Variants in NIBAN3 observed in about 807,000 individuals in gnomAD.
NIBAN3 encodes the protein niban apoptosis regulator 3, also known as protein Niban 3.
A neutral mutation model predicts 76.4 loss-of-function variants in NIBAN3; 66 were observed. The observed-to-expected ratio is 0.86, with a 90% confidence interval of 0.71 to 1.06. The LOEUF is 1.06. Among genes scored for constraint, NIBAN3 ranks in the 50% least tolerant of loss-of-function variants. NIBAN3 has a pLI of 0.00. For synonymous variants in NIBAN3, 360 were observed against 355.2 expected (o/e 1.01, Z -0.15); for missense variants, 808 against 810.7 (o/e 1.00, Z 0.04).
At chr19:17,551,737 G>GCTTGTAATACATACATA in intron 14 of NIBAN3, 49 bp from the exon 15 acceptor site, 1 of 722,108 alleles carries the variant, frequency 1.4e-6, no homozygotes, top group South Asian at 1.4e-5. Context: ...TACATGCCAG[G>GCTTGTAATACATACATA]CATCTGACAC....
chr19:17,540,543 CCTGCGCCAGAGCCCCTCAGGCACGCGG>C lies in NIBAN3; in HGVS notation c.1138_1164del (p.Gln380_Arg388del), dbSNP rs2075929247. Reference sequence around the variant, plus strand: ...AAGGCATGGACCGACTGTCCCACCGCCTGCGCCAGAGCCCCTCAGGCACGCGGCTGCGCAGGGAGGTGAGCTCCCGTG... The same window carrying C: ...AAGGCATGGACCGACTGTCCCACCGCCTGCGCAGGGAGGTGAGCTCCCGTG... On this transcript the variant is annotated inframe_deletion, in exon 9 of 15. Coordinates refer to ENST00000599164, the MANE Select transcript of NIBAN3 (RefSeq NM_001321827.2). 3.8e-6 allele frequency: 6 copies of C among 1,562,846 alleles called. No individual in the cohort carries two copies. The East Asian group carries it at 1.4e-4, about 38-fold the overall frequency.
At position 17,533,598 on chromosome 19, in the gene NIBAN3, C is replaced by T. The variant is rs769793668; in HGVS notation, c.324C>T (p.Asn108=). Residue 108 remains asparagine (N), a synonymous_variant, in exon 4 of 15, where the codon AAC becomes AAT. Transcript: ENST00000599164. ...GGTACCTTTTGTAGGAATATGAAAA[C>T]GGGGGCCACTGCCTTGGCTCAACAG... ...EWFSHKEEYE[N]GGHCLGSTAL... is the part of the protein sequence containing the mutation. 75 of 1,613,414 alleles carry T rather than the reference C, an allele frequency of 4.6e-5. No individual in the cohort carries two copies. Among genetic ancestry groups the T allele is most frequent in the Non-Finnish European group, 5.6e-5 (66 of 1,179,522 alleles).
chr19:17,535,640 C>T (rs1393051797), intron 4 of NIBAN3, among the ~76,000 whole-genome samples: 1 of 151,528 alleles, frequency 6.6e-6, no homozygotes, highest in African/African-American at 2.4e-5. Context: ...CCCAGCTACT[C>T]AGGAGACCGA....
rs1162878033 is a variant in NIBAN3 at position 17,553,483 on chromosome 19, C to A, written c.*1585C>A. 1 of 1,614,210 alleles carries A rather than the reference C, an allele frequency of 6.2e-7. No homozygotes were observed. The highest frequency in any genetic ancestry group is 1.1e-5 in the South Asian group (1 of 91,086). On this transcript the variant is annotated 3_prime_UTR_variant, in exon 15 of 15. Transcript: ENST00000599164. ...GGATTCCCGTGTGTTCTTGGTTCAG[C>A]TTGCAGAGGGACTTTCACACTCCCT...
At chr19:17,524,967 T>C (rs543241717), upstream of NIBAN3, among the ~76,000 whole-genome samples, 1 of 152,328 alleles carries the variant, frequency 6.6e-6, no homozygotes, top group African/African-American at 2.4e-5. Context: ...TGAGTCTCCA[T>C]TGGACAGCCA....
At position 17,552,489 on chromosome 19, in the gene NIBAN3, A is replaced by C. The variant is rs182607175; in HGVS notation, c.*591A>C. On this transcript the variant is annotated 3_prime_UTR_variant, in exon 15 of 15. Coordinates refer to ENST00000599164, the MANE Select transcript of NIBAN3 (RefSeq NM_001321827.2). The stretch of plus-strand genomic sequence containing the variant: ...TGCCTTGGCCTCCCAAAGTGCTAGG[A>C]TTATAGGAGTGATCCACTATGTCCA... 6.6e-6 allele frequency: 1 copy of C among 152,256 alleles called. No homozygotes were observed. The highest frequency in any genetic ancestry group is 6.6e-5 in the Admixed American group (1 of 15,260). The allele number at this position is 152,256 out of a possible 1,614,324, so 9.4% of individuals were successfully genotyped here. A position where few individuals can be genotyped will look rare whatever the true frequency, so the allele number is the denominator to read the frequency against.
chr19:17,543,578 C>T lies in NIBAN3; in HGVS notation c.1501C>T (p.Leu501Phe). The change falls in exon 12 of 15, where the codon CTC (leucine) becomes TTC (phenylalanine). Residue 501 changes from leucine (L) to phenylalanine (F), a missense_variant. Transcript: ENST00000599164. Reference protein sequence around the residue: ...AQRRFIRGWGLCIFLPFVLSQ... With the variant: ...AQRRFIRGWGFCIFLPFVLSQ... ...GAGGAGGTTCATCCGAGGCTGGGGTCTCTGCATCTTTTTACCTTTTGTGCT... is the reference window on the plus strand; with the variant it reads ...GAGGAGGTTCATCCGAGGCTGGGGTTTCTGCATCTTTTTACCTTTTGTGCT... 2 of 1,614,126 alleles carry T rather than the reference C, an allele frequency of 1.2e-6. No homozygotes were observed. Among genetic ancestry groups the T allele is most frequent in the Non-Finnish European group, 1.7e-6 (2 of 1,180,022 alleles).
At chr19:17,524,296 T>C (rs935416565), upstream of NIBAN3, among the ~76,000 whole-genome samples, 1 of 151,074 alleles carries the variant, frequency 6.6e-6, no homozygotes, top group African/African-American at 2.5e-5. Flanking sequence ...TTCTTTTTTC[T>C]TTTTTTTGAG....
chr19:17,530,872 TGCTAC>T lies in NIBAN3; in HGVS notation c.176_180del (p.Leu59GlnfsTer9), dbSNP rs2075708605. ...CCTCAGGAGCCGACCGGAAGCCAGT[TGCTAC>T]GCAGCAAAGTGGGTGTTGTGGGGGC... is the stretch of plus-strand genomic sequence containing the variant. On this transcript the variant is annotated frameshift_variant, in exon 2 of 15. Transcript: ENST00000599164. LOFTEE classifies it high-confidence loss of function. 1 of 1,613,218 alleles carries T rather than the reference TGCTAC, an allele frequency of 6.2e-7. No homozygotes were observed.
Position 17,533,545 on chromosome 19 carries a change from T to G in NIBAN3, c.313-42T>G, listed in dbSNP as rs749451070. On this transcript the variant is annotated intron_variant, in intron 3 of 14. Coordinates refer to ENST00000599164, the MANE Select transcript of NIBAN3 (RefSeq NM_001321827.2). ...TATAGTTGGGACACAGAAGCCACAG[T>G]TCAGACCTGTCCCAGGTTGGTTCTC... 12 of 1,411,186 alleles carry G rather than the reference T, an allele frequency of 8.5e-6. No individual in the cohort carries two copies. The South Asian group carries it at 1.4e-4, about 16-fold the overall frequency. 87.4% of individuals were successfully genotyped at this position (1,411,186 alleles called of 1,614,324 possible). A position where few individuals can be genotyped will look rare whatever the true frequency, so the allele number is the denominator to read the frequency against.
chr19:17,549,317 A>G (rs2144782421), intron 13 of NIBAN3, 127 bp from the exon 14 acceptor site: 1 of 701,350 alleles, frequency 1.4e-6, no homozygotes, highest in East Asian at 2.5e-5. Context: ...GCTTGGAGAG[A>G]GGCTCTATGT....
intron 13 of NIBAN3, 109 bp from the exon 14 acceptor site, chr19:17,549,335 C>T: frequency 1.3e-6 from 1 of 789,994 alleles, no homozygotes; most frequent in Admixed American, 2.3e-5. Context: ...TGTGAGCCAC[C>T]TCTTTAGGAT....
chr19:17,554,479 C>A (rs1214793479), downstream of NIBAN3, among the ~76,000 whole-genome samples: 2 of 145,752 alleles, frequency 1.4e-5, no homozygotes, highest in East Asian at 2.0e-4. Flanking sequence ...CAGAGTAAGA[C>A]CCTCTCTGTG....
intron 8 of NIBAN3, 22 bp from the exon 9 acceptor site, chr19:17,540,370 G>T: frequency 6.9e-7 from 1 of 1,447,048 alleles, no homozygotes; most frequent in South Asian, 1.5e-5. Context: ...GGGGACTCCA[G>T]ACCAGTGTCT....
At position 17,542,729 on chromosome 19, in the gene NIBAN3, T is replaced by G. The variant is rs1599743528; in HGVS notation, c.1329+435T>G. Among the ~76,000 whole-genome samples, 1 of 152,226 alleles carries G rather than the reference T, an allele frequency of 6.6e-6. No individual in the cohort carries two copies. ...GCGTGGGGCTAAGGGGTGAGCTCTT[T>G]CCTGAGGGCAATGGGGAGCCAGAGC... On this transcript the variant is annotated intron_variant, in intron 10 of 14. Transcript: ENST00000599164. This position sits in a 1 kb window ranked among gnomAD's most constrained non-coding sequence, Gnocchi z 4.8.
chr19:17,540,323 G>A, intron 8 of NIBAN3, 69 bp from the exon 9 acceptor site: 8 of 1,188,938 alleles, frequency 6.7e-6, no homozygotes, highest in Non-Finnish European at 8.9e-6. Context: ...CCTCGCGAGG[G>A]CCCCTGCACA....
intron 14 of NIBAN3, 197 bp downstream of exon 14, chr19:17,549,724 C>A: frequency 1.6e-6 from 1 of 642,048 alleles, no homozygotes; most frequent in Admixed American, 2.3e-5. Flanking sequence ...ATCTGAGCCA[C>A]AGAGGGACCC....
At chr19:17,529,875 C>T (rs968596439) in intron 1 of NIBAN3, among the ~76,000 whole-genome samples, 4 of 151,994 alleles carry the variant, frequency 2.6e-5, no homozygotes, top group African/African-American at 9.7e-5. Context: ...GCCTGGATAA[C>T]ATAGCAAGAC....
At chr19:17,530,091 C>T (rs954588240) in intron 1 of NIBAN3, among the ~76,000 whole-genome samples, 2 of 150,344 alleles carry the variant, frequency 1.3e-5, no homozygotes. Flanking sequence ...ACAAGTGGAT[C>T]ACTGGAGCTC....
Sources: allele counts gnomAD v4.1 joint callset (sites outside exome capture counted in the v4.1 genomes callset), GRCh38; gene constraint gnomAD v4.1.1; non-coding constraint Gnocchi (gnomAD v3.1); transcripts MANE v1.5; gene names NCBI Gene and HGNC (gene_info 2026-07-23, HGNC 2026-07-21).